Variants in KCNMA1 observed in about 807,000 individuals in gnomAD.
The protein encoded by KCNMA1 is Calcium-activated potassium channel subunit alpha-1.
A neutral mutation model predicts 140.0 loss-of-function variants in KCNMA1; 29 were observed. That is an observed-to-expected ratio of 0.21 (90% CI 0.15 to 0.28). The LOEUF (loss-of-function observed/expected upper bound fraction) is 0.28. Ranked by LOEUF, KCNMA1 falls within the 10% of genes least tolerant of loss-of-function variation. The pLI is 1.00. For missense variants in KCNMA1, 880 were observed against 1,602.2 expected, an observed-to-expected ratio of 0.55 and a Z score of 7.70; for synonymous variants, 612 against 611.9, an observed-to-expected ratio of 1.00 and a Z score of 0.00.
At chr10:77,440,911 C>T (rs964250837) in intron 1 of KCNMA1, among the ~76,000 whole-genome samples, 6 of 152,176 alleles carry the variant, frequency 3.9e-5, no homozygotes, top group Non-Finnish European at 4.4e-5. Context: ...CTCCGCCTCC[C>T]GGGTTCACGC....
intron 2 of KCNMA1, among the ~76,000 whole-genome samples, chr10:77,376,988 A>ATACATAC (rs1555258860): frequency 2.8e-5 from 1 of 35,210 alleles, no homozygotes; most frequent in Non-Finnish European, 6.7e-5. Context: ...TACATACATA[A>ATACATAC]AAATGAAATG....
intron 1 of KCNMA1, among the ~76,000 whole-genome samples, chr10:77,488,800 A>G (rs1423188630): frequency 2.6e-5 from 4 of 152,330 alleles, no homozygotes; most frequent in Non-Finnish European, 4.4e-5. Context: ...CTGTTCCCCA[A>G]TCAGGGGCAA....
Position 77,506,571 on chromosome 10 carries a change from T to TAGAGAGAGAG in KCNMA1, c.379-102558_379-102549dup, listed in dbSNP as rs72516981. On this transcript the variant is annotated intron_variant, in intron 1 of 27. Transcript: ENST00000286628. ...GGAGAGAGGGAAAGAGAGATGTTCC[T>TAGAGAGAGAG]AGAGAGAGAGAGAGAGAGAGAGAGA... Among the ~76,000 whole-genome samples, 197 of 78,022 alleles carry TAGAGAGAGAG rather than the reference T, an allele frequency of 2.5e-3. 1 individual carries two copies. The highest frequency in any genetic ancestry group is 4.2e-3 in the African/African-American group (46 of 10,886). The allele number at this position is 78,022 out of a possible 152,430, so 51.2% of individuals were successfully genotyped here. A position where few individuals can be genotyped will look rare whatever the true frequency, so the allele number is the denominator to read the frequency against.
intron 24 of KCNMA1, chr10:76,910,558 G>A (rs905879674): frequency 3.8e-6 from 1 of 265,954 alleles, no homozygotes; most frequent in African/African-American, 2.2e-5. Context: ...CACAGCAAAG[G>A]CAGATAGCAA....
At chr10:76,960,446 C>T (rs1865024) in intron 20 of KCNMA1, among the ~76,000 whole-genome samples, 34,922 of 151,274 alleles carry the variant, frequency 0.23, 4,344 homozygotes, top group East Asian at 0.47. Context: ...GGCTGAGGCA[C>T]GAGAATTACT....
chr10:77,432,070 CCT>C (rs2097167208), intron 1 of KCNMA1, among the ~76,000 whole-genome samples: 1 of 152,104 alleles, frequency 6.6e-6, no homozygotes, highest in African/African-American at 2.4e-5. Flanking sequence ...ATACAGCAAG[CCT>C]CTCACACCTG....
At chr10:77,174,104 AT>A (rs1564985391) in intron 5 of KCNMA1, among the ~76,000 whole-genome samples, 1 of 152,098 alleles carries the variant, frequency 6.6e-6, no homozygotes, top group Non-Finnish European at 1.5e-5. Context: ...CCAAAATGCC[AT>A]TTCAGTAGCA....
At chr10:77,191,220 T>C (rs1342955855) in intron 3 of KCNMA1, among the ~76,000 whole-genome samples, 2 of 152,190 alleles carry the variant, frequency 1.3e-5, no homozygotes, top group Admixed American at 6.6e-5. Context: ...GTCTTTGCAA[T>C]GTACTTCAAA....
At chr10:77,151,968 G>C (rs116674134) in intron 5 of KCNMA1, among the ~76,000 whole-genome samples, 1,782 of 152,268 alleles carry the variant, frequency 0.012, 40 homozygotes, top group African/African-American at 0.041. Flanking sequence ...CTTCATAAGG[G>C]TGGTATGGAA....
At chr10:76,880,398 TGAG>T (rs1269698023), downstream of KCNMA1, among the ~76,000 whole-genome samples, 9 of 152,128 alleles carry the variant, frequency 5.9e-5, no homozygotes, top group Admixed American at 2.6e-4. Context: ...CACATTGTGG[TGAG>T]GAGTTGAGGT....
At chr10:76,962,825 C>T (rs1187567015) in intron 20 of KCNMA1, among the ~76,000 whole-genome samples, 1 of 152,192 alleles carries the variant, frequency 6.6e-6, no homozygotes, top group Non-Finnish European at 1.5e-5. Flanking sequence ...CCCAAACACT[C>T]TTCAAGCAGT....
chr10:77,000,854 G>GAAAA (rs147198441), intron 19 of KCNMA1, among the ~76,000 whole-genome samples: 1 of 10,516 alleles, frequency 9.5e-5, no homozygotes, highest in Non-Finnish European at 2.0e-4. Context: ...ATAGTAAAAA[G>GAAAA]AAAATATATA....
intron 1 of KCNMA1, among the ~76,000 whole-genome samples, chr10:77,519,937 CGTGAGGGTATGCAGT>C (rs1275446096): frequency 8.0e-6 from 1 of 125,450 alleles, no homozygotes; most frequent in Non-Finnish European, 1.7e-5. Flanking sequence ...CAGTATGCAG[CGTGAGGGTATGCAGT>C]GTGAGGTCTG....
At chr10:76,969,919 G>C (rs2075519903) in intron 20 of KCNMA1, 55 bp downstream of exon 20, 1 of 1,387,812 alleles carries the variant, frequency 7.2e-7, no homozygotes, top group South Asian at 1.2e-5. Context: ...AGAGGGCGAG[G>C]GGAGGAAGAG....
At chr10:77,457,580 C>T (rs2097781474) in intron 1 of KCNMA1, among the ~76,000 whole-genome samples, 1 of 152,114 alleles carries the variant, frequency 6.6e-6, no homozygotes, top group Non-Finnish European at 1.5e-5. Flanking sequence ...ATTCTCTGGG[C>T]TGCCTCTCCA....
intron 2 of KCNMA1, among the ~76,000 whole-genome samples, chr10:77,386,868 T>C (rs1479629434): frequency 6.6e-6 from 1 of 152,094 alleles, no homozygotes; most frequent in African/African-American, 2.4e-5. Flanking sequence ...GATGTGAGCA[T>C]GAATAGCTAA....
At chr10:76,977,097 A>C (rs1156264922) in intron 19 of KCNMA1, among the ~76,000 whole-genome samples, 4 of 152,148 alleles carry the variant, frequency 2.6e-5, no homozygotes, top group African/African-American at 9.7e-5. Flanking sequence ...TCCTGACACC[A>C]AAAGCCAACT....
chr10:76,974,431 G>A, intron 19 of KCNMA1: 1 of 1,027,502 alleles, frequency 9.7e-7, no homozygotes, highest in Non-Finnish European at 1.5e-6. Flanking sequence ...AAAGTAGAAT[G>A]TTGAGGGCTG....
intron 20 of KCNMA1, among the ~76,000 whole-genome samples, chr10:76,966,390 G>T (rs903188600): frequency 1.3e-5 from 2 of 152,156 alleles, no homozygotes; most frequent in Non-Finnish European, 2.9e-5. Flanking sequence ...TGTAACCAGG[G>T]ATCCTGAATG....
Sources: gnomAD v4.1 joint callset for allele counts (sites outside exome capture counted in the v4.1 genomes callset) on GRCh38, gnomAD v4.1.1 for gene constraint, MANE v1.5 for transcripts, NCBI Gene and HGNC (gene_info 2026-07-23, HGNC 2026-07-21) for gene names.